The following AVEN variants were observed in gnomAD, a reference collection of about 807,000 sequenced individuals.
The protein encoded by AVEN is cell death regulator Aven.
In AVEN, 41 loss-of-function variants were observed where a neutral mutation model predicts 38.1. That is an observed-to-expected ratio of 1.08 (90% CI 0.84 to 1.40). AVEN has a LOEUF of 1.40. Ranked by LOEUF, AVEN falls within the 40% of genes most tolerant of loss-of-function variation. AVEN has a pLI of 0.00. For missense variants in AVEN, 605 were observed against 438.8 expected, an observed-to-expected ratio of 1.38 and a Z score of -3.38; for synonymous variants, 206 against 171.8, an observed-to-expected ratio of 1.20 and a Z score of -1.56.
chr15:34,070,973 C>T (rs998282097), intron 1 of AVEN, among the ~76,000 whole-genome samples: 2 of 152,182 alleles, frequency 1.3e-5, no homozygotes, highest in East Asian at 3.8e-4. Context: ...TTGACTACCA[C>T]CCTGTGTTAG....
chr15:33,991,427 T>C (rs907908767), intron 2 of AVEN: 3 of 152,098 alleles, frequency 2.0e-5, no homozygotes, highest in African/African-American at 7.2e-5. Flanking sequence ...GTGATTATTA[T>C]GCATGGCATA....
intron 2 of AVEN, among the ~76,000 whole-genome samples, chr15:33,986,582 T>C (rs1486937350): frequency 1.3e-5 from 2 of 152,132 alleles, no homozygotes; most frequent in African/African-American, 4.8e-5. Flanking sequence ...AGTAATATTA[T>C]TAAAGACAAT....
At chr15:34,062,518 G>C in intron 5 of AVEN, 1 of 529,114 alleles carries the variant, frequency 1.9e-6, no homozygotes, top group African/African-American at 2.1e-5. Flanking sequence ...TCGCACCACT[G>C]CACTCCAGCC....
chr15:33,883,258 C>T (rs1891565581), intron 2 of AVEN, among the ~76,000 whole-genome samples: 1 of 152,178 alleles, frequency 6.6e-6, no homozygotes, highest in African/African-American at 2.4e-5. Context: ...ATGGTGACTA[C>T]AGGAATAACC....
At position 33,918,458 on chromosome 15, in the gene AVEN, C is replaced by CTTTTTTTTTTTTTT. The variant is rs33928063; in HGVS notation, c.446-42477_446-42464dup. On this transcript the variant is annotated intron_variant, in intron 2 of 5. Coordinates refer to ENST00000306730, the MANE Select transcript of AVEN (RefSeq NM_020371.3). ...GTGTCTTCCCAGTCTTAAATTACAG[C>CTTTTTTTTTTTTTT]TTTTTTTTTTTTTTTTTTTTTTTTT... is the stretch of plus-strand genomic sequence containing the variant. Among the ~76,000 whole-genome samples, 9 of 84,504 alleles carry CTTTTTTTTTTTTTT rather than the reference C, an allele frequency of 1.1e-4. 1 individual carries two copies. The South Asian group carries it at 2.2e-3, about 21-fold the overall frequency. 55.4% of individuals were successfully genotyped at this position (84,504 alleles called of 152,430 possible).
chr15:34,020,970 A>T (rs1871058399), intron 1 of AVEN, among the ~76,000 whole-genome samples: 1 of 152,214 alleles, frequency 6.6e-6, no homozygotes, highest in Non-Finnish European at 1.5e-5. Flanking sequence ...GTGAGGAATG[A>T]ATCACTGGGC....
intron 1 of AVEN, among the ~76,000 whole-genome samples, chr15:34,003,899 A>G (rs1225662060): frequency 3.9e-5 from 6 of 152,234 alleles, no homozygotes; most frequent in Admixed American, 3.3e-4. Context: ...GTGATTAATG[A>G]ACATTCTGAT....
chr15:33,985,980 T>C (rs577956452), intron 2 of AVEN, among the ~76,000 whole-genome samples: 2 of 152,322 alleles, frequency 1.3e-5, no homozygotes, highest in East Asian at 1.9e-4. Context: ...CTAACTCACA[T>C]AGCATTCCCC....
intron 2 of AVEN, among the ~76,000 whole-genome samples, chr15:33,894,343 A>G (rs1274204215): frequency 6.6e-6 from 1 of 151,986 alleles, no homozygotes; most frequent in East Asian, 1.9e-4. Flanking sequence ...AAGAACACGC[A>G]CTGGATACTG....
intron 2 of AVEN, among the ~76,000 whole-genome samples, chr15:33,887,280 G>A (rs191306119): frequency 6.6e-6 from 1 of 152,120 alleles, no homozygotes; most frequent in Non-Finnish European, 1.5e-5. Context: ...TCAGCTTCTA[G>A]GGGAGGGATT....
chr15:34,061,983 A>C (rs1353632092), intron 5 of AVEN, among the ~76,000 whole-genome samples: 1 of 152,192 alleles, frequency 6.6e-6, no homozygotes, highest in Non-Finnish European at 1.5e-5. Context: ...TTCAGCCCTT[A>C]TGATCATTGC....
chr15:33,851,901 A>C, the AVEN span: 1 of 152,216 alleles, frequency 6.6e-6, no homozygotes, highest in African/African-American at 2.4e-5. Context: ...TGTTATTTTC[A>C]TCCCCCAGAG....
intron 2 of AVEN, among the ~76,000 whole-genome samples, chr15:33,919,314 C>T (rs969588639): frequency 7.9e-5 from 12 of 152,030 alleles, no homozygotes; most frequent in African/African-American, 1.7e-4. Context: ...ATTTCAATAA[C>T]GTCTAAAAAC....
chr15:33,906,390 G>A (rs1892700283), intron 2 of AVEN, among the ~76,000 whole-genome samples: 1 of 152,170 alleles, frequency 6.6e-6, no homozygotes, highest in African/African-American at 2.4e-5. Context: ...ATATGCCACT[G>A]TACATAGATG....
intron 2 of AVEN, among the ~76,000 whole-genome samples, chr15:33,902,041 GTATT>G (rs1484662994): frequency 1.3e-5 from 2 of 152,170 alleles, no homozygotes; most frequent in African/African-American, 2.4e-5. Context: ...TATAGTTCAT[GTATT>G]TATTTATCTT....
At chr15:34,062,595 A>G in intron 5 of AVEN, 3 of 854,130 alleles carry the variant, frequency 3.5e-6, no homozygotes, top group East Asian at 5.0e-5. Flanking sequence ...TGGATGGACA[A>G]GAAAATCATG....
chr15:34,073,759 G>A (rs1186781826), intron 1 of AVEN, among the ~76,000 whole-genome samples: 1 of 151,456 alleles, frequency 6.6e-6, no homozygotes, highest in Non-Finnish European at 1.5e-5. Flanking sequence ...GACCTTGGGT[G>A]ATCCACCCGC....
chr15:33,915,492 G>C (rs1031903561), intron 2 of AVEN, among the ~76,000 whole-genome samples: 2 of 152,192 alleles, frequency 1.3e-5, no homozygotes, highest in South Asian at 4.1e-4. Flanking sequence ...TACAGGAGTA[G>C]AAGAAGCAGC....
Position 33,939,737 on chromosome 15 carries a change from T to A in AVEN, c.445+63295A>T, listed in dbSNP as rs187438270. Among the ~76,000 whole-genome samples the A allele has an allele frequency of 2.0e-5, 3 of 152,352 alleles. No individual in the cohort carries two copies. In the East Asian group the frequency reaches 5.8e-4, roughly 29 times the overall value. Reference sequence around the variant, plus strand: ...CCTTCTGTTATAGACTGAATGCTTGTGTTCCCCCAAAACTCATTTGTTGAA... The same window carrying A: ...CCTTCTGTTATAGACTGAATGCTTGAGTTCCCCCAAAACTCATTTGTTGAA... On this transcript the variant is annotated intron_variant, in intron 2 of 5. Coordinates refer to ENST00000306730, the MANE Select transcript of AVEN (RefSeq NM_020371.3).
Sources: gnomAD v4.1 joint callset for allele counts (sites outside exome capture counted in the v4.1 genomes callset) on GRCh38, gnomAD v4.1.1 for gene constraint, MANE v1.5 for transcripts, NCBI Gene and HGNC (gene_info 2026-07-23, HGNC 2026-07-21) for gene names.